Variants in ABL1 observed in about 807,000 individuals in gnomAD.
ABL1 encodes tyrosine-protein kinase ABL1.
In ABL1, 11 loss-of-function variants were observed where a neutral mutation model predicts 94.7. The observed-to-expected ratio is 0.12, with a 90% confidence interval of 0.07 to 0.19. The LOEUF (loss-of-function observed/expected upper bound fraction) is 0.19, where lower values mean the gene tolerates loss of function less well. ABL1 is among the 10% of genes least tolerant of loss of function. The pLI is 1.00. For missense variants in ABL1, 1,082 were observed against 1,489.4 expected, an observed-to-expected ratio of 0.73 and a Z score of 4.50; for synonymous variants, 656 against 622.4, an observed-to-expected ratio of 1.05 and a Z score of -0.80.
rs923721325 is a variant in ABL1, at chr9:130,828,803, A to G, written c.137-25261A>G. Among the ~76,000 whole-genome samples, 3 of 152,234 alleles carry G rather than the reference A, an allele frequency of 2.0e-5. No homozygotes were observed. The East Asian group carries it at 5.8e-4, about 29-fold the overall frequency. ...AGAAAGAAAACAAAAAAATAATGAT[A>G]ATAACGAAGAAACAAATGGAGGAGA... On this transcript the variant is annotated intron_variant, in intron 1 of 10. Coordinates refer to the ABL1 transcript ENST00000372348.
intron 1 of ABL1, among the ~76,000 whole-genome samples, chr9:130,837,843 C>T (rs1330890150): frequency 1.3e-5 from 2 of 152,166 alleles, no homozygotes; most frequent in East Asian, 1.9e-4. Context: ...CAATCAGTGT[C>T]GATCAGTCAG....
At chr9:130,856,152 G>A (rs1425809679) in intron 3 of ABL1, among the ~76,000 whole-genome samples, 4 of 152,130 alleles carry the variant, frequency 2.6e-5, no homozygotes, top group Non-Finnish European at 1.5e-5. Flanking sequence ...GCAATGGTGC[G>A]TTCTCGGCTT....
At chr9:130,781,769 C>G (rs1469650309) in intron 1 of ABL1, among the ~76,000 whole-genome samples, 2 of 152,078 alleles carry the variant, frequency 1.3e-5, no homozygotes, top group Non-Finnish European at 2.9e-5. Context: ...CTCCCCTTAA[C>G]CATCTAAATC....
chr9:130,749,004 A>T, intron 1 of ABL1, among the ~76,000 whole-genome samples: 1 of 152,190 alleles, frequency 6.6e-6, no homozygotes, highest in Non-Finnish European at 1.5e-5. Flanking sequence ...TGAAATAGGC[A>T]TATCTTTTTG....
chr9:130,735,958 T>TAC, intron 1 of ABL1, among the ~76,000 whole-genome samples: 1 of 70,570 alleles, frequency 1.4e-5, no homozygotes, highest in East Asian at 4.4e-4. Flanking sequence ...TATATATATA[T>TAC]ATATTTTTTT....
chr9:130,756,515 A>G (rs908534542), intron 1 of ABL1, among the ~76,000 whole-genome samples: 3 of 152,098 alleles, frequency 2.0e-5, no homozygotes, highest in Admixed American at 6.5e-5. Flanking sequence ...CGGCGTTGCT[A>G]TATTCCAAGC....
chr9:130,749,976 C>A (rs1340497543), intron 1 of ABL1, among the ~76,000 whole-genome samples: 1 of 151,486 alleles, frequency 6.6e-6, no homozygotes, highest in Admixed American at 6.6e-5. Context: ...GAGTTTGAGA[C>A]CAGCCTGGGC....
intron 1 of ABL1, among the ~76,000 whole-genome samples, chr9:130,746,768 A>G (rs754693420): frequency 2.0e-5 from 3 of 152,132 alleles, no homozygotes; most frequent in Non-Finnish European, 2.9e-5. Context: ...TTATATGAAC[A>G]TAATTTTTTA....
chr9:130,844,616 C>A (rs1389828805), intron 1 of ABL1, among the ~76,000 whole-genome samples: 1 of 152,074 alleles, frequency 6.6e-6, no homozygotes, highest in African/African-American at 2.4e-5. Flanking sequence ...GCCTGGCCAA[C>A]ATGGTGAAAC....
In ABL1 at chr9:130,814,734, G is replaced by A. The variant is rs1308513996; in HGVS notation, c.137-39330G>A. Reference sequence around the variant, plus strand: ...CCACTAAAAATACAAAAAATTCTCCGGGCGTGGTGGCGGGCGCCTGTAGTC... The same window carrying A: ...CCACTAAAAATACAAAAAATTCTCCAGGCGTGGTGGCGGGCGCCTGTAGTC... On this transcript the variant is annotated intron_variant, in intron 1 of 10. Transcript: ENST00000372348. This position sits in a 1 kb window ranked among gnomAD's most constrained non-coding sequence, Gnocchi z 4.4. Among the ~76,000 whole-genome samples, 3 of 152,022 alleles carry A rather than the reference G, an allele frequency of 2.0e-5. No individual in the cohort carries two copies. The highest frequency in any genetic ancestry group is 4.4e-5 in the Non-Finnish European group (3 of 67,998).
chr9:130,867,244 G>A (rs796466930), intron 4 of ABL1, among the ~76,000 whole-genome samples: 2 of 152,294 alleles, frequency 1.3e-5, no homozygotes, highest in African/African-American at 4.8e-5. Context: ...TTTTAACCAG[G>A]TGACAGCATC....
At chr9:130,839,009 A>C (rs1830629619) in intron 1 of ABL1, among the ~76,000 whole-genome samples, 1 of 152,096 alleles carries the variant, frequency 6.6e-6, no homozygotes, top group Non-Finnish European at 1.5e-5. Context: ...TCCTGGTCTC[A>C]AGCAACCCTC....
chr9:130,785,546 A>C lies in ABL1; in HGVS notation c.137-68518A>C, dbSNP rs35393549. 1.9e-3 allele frequency among the ~76,000 whole-genome samples: 287 copies of C among 152,206 alleles called. 1 individual carries two copies. Among genetic ancestry groups the C allele is most frequent in the African/African-American group, 6.7e-3 (278 of 41,516 alleles). ...ACCTGCCCTTTTTAAGACACATAGT[A>C]ATATAGTGGGCTCTAAGTAGTAGAC... On this transcript the variant is annotated intron_variant, in intron 1 of 10. Coordinates refer to the ABL1 transcript ENST00000372348.
chr9:130,777,472 A>C (rs555165615), intron 1 of ABL1, among the ~76,000 whole-genome samples: 248 of 148,978 alleles, frequency 1.7e-3, no homozygotes, highest in African/African-American at 5.9e-3. Context: ...ACACTGACTC[A>C]CTGCATTAGT....
intron 1 of ABL1, among the ~76,000 whole-genome samples, chr9:130,852,941 G>T (rs1830897521): frequency 6.6e-6 from 1 of 151,410 alleles, no homozygotes; most frequent in Non-Finnish European, 1.5e-5. Flanking sequence ...GGTGGGGTGT[G>T]TTAATAGCCT....
Position 130,835,524 on chromosome 9 carries a change from A to G in ABL1, c.78A>G (p.Glu26=). 6.4e-7 allele frequency: 1 copy of G among 1,554,410 alleles called. No individual in the cohort carries two copies. Residue 26 remains glutamate (E), a splice_region_variant and synonymous_variant, in exon 1 of 11, where the codon GAA becomes GAG. Transcript: ENST00000318560. The surrounding 1 kb of genome is among the most constrained non-coding windows in gnomAD (Gnocchi z 4.6). ...GLSSSSSCYL[E]EALQRPVASD... ...CCTCGTCCTCCAGCTGTTATCTGGA[A>G]GGTAAGCCCGGGCCGCACGGGTTGG...
At chr9:130,728,877 T>G (rs1476260960) in intron 1 of ABL1, among the ~76,000 whole-genome samples, 1 of 152,216 alleles carries the variant, frequency 6.6e-6, no homozygotes, top group Non-Finnish European at 1.5e-5. Context: ...GAGTCAGATT[T>G]TCCTGCATTT....
intron 1 of ABL1, among the ~76,000 whole-genome samples, chr9:130,848,593 C>T (rs1469827045): frequency 6.7e-6 from 1 of 149,988 alleles, no homozygotes; most frequent in Non-Finnish European, 1.5e-5. Context: ...CTAGTAATAA[C>T]AACAATCCAC....
intron 1 of ABL1, among the ~76,000 whole-genome samples, chr9:130,826,278 G>A (rs745982036): frequency 6.6e-6 from 1 of 151,764 alleles, no homozygotes; most frequent in African/African-American, 2.4e-5. Context: ...ACACCACCAC[G>A]CCCAGCAAAT....
Sources: allele counts gnomAD v4.1 joint callset (sites outside exome capture counted in the v4.1 genomes callset), GRCh38; gene constraint gnomAD v4.1.1; non-coding constraint Gnocchi (gnomAD v3.1); transcripts MANE v1.5; gene names NCBI Gene and HGNC (gene_info 2026-07-23, HGNC 2026-07-21).